PLXDC1: variants seen among roughly 807,000 people sequenced by gnomAD.
PLXDC1 encodes the protein plexin domain containing 1.
In PLXDC1, 39 loss-of-function variants were observed where a neutral mutation model predicts 61.3. The ratio of observed to expected loss-of-function variants is 0.64; its 90% CI spans 0.49 to 0.83. PLXDC1 has a LOEUF of 0.83. PLXDC1 is among the 40% of genes least tolerant of loss of function. The pLI is 0.00. For synonymous variants in PLXDC1, 212 were observed against 254.5 expected (o/e 0.83, Z 1.59); for missense variants, 596 against 666.5 (o/e 0.89, Z 1.17).
chr17:39,096,201 A>G (rs1248759313), intron 7 of PLXDC1, among the ~76,000 whole-genome samples: 1 of 152,226 alleles, frequency 6.6e-6, no homozygotes, highest in Non-Finnish European at 1.5e-5. Context: ...TCATTCAATA[A>G]TCACGAGTGG....
intron 3 of PLXDC1, 99 bp downstream of exon 3, chr17:39,109,149 A>T: frequency 6.8e-7 from 1 of 1,475,476 alleles, no homozygotes; most frequent in South Asian, 1.3e-5. Flanking sequence ...CTCCCAGGTC[A>T]CAGACCTCGG....
chr17:39,132,134 TC>T (rs1300847774), intron 2 of PLXDC1: 1 of 152,538 alleles, frequency 6.6e-6, no homozygotes, highest in East Asian at 1.9e-4. Context: ...ATCTAAATGT[TC>T]TTATGCTTGA....
chr17:39,074,671 A>G (rs1909257215), intron 11 of PLXDC1, among the ~76,000 whole-genome samples: 1 of 152,098 alleles, frequency 6.6e-6, no homozygotes, highest in African/African-American at 2.4e-5. Flanking sequence ...CCACGCCACC[A>G]CAGACCCCCT....
Position 39,151,371 on chromosome 17 carries a change from G to A in PLXDC1, c.67C>T (p.Pro23Ser). ...REAARALSPQ[P>S]GAGHDEGPGS... is the part of the protein sequence containing the mutation. The stretch of plus-strand genomic sequence containing the variant: ...CTCCCGCCAGTCCTACCTGCTCCGG[G>A]CTGGGGGCTCAGCGCCCGGGCAGCC... The change falls in exon 1 of 14, where the codon CCC (proline) becomes TCC (serine). Residue 23 changes from proline (P) to serine (S), a missense_variant. Pro to Ser is a moderately conservative substitution (Grantham distance 74). Coordinates refer to ENST00000315392, the MANE Select transcript of PLXDC1 (RefSeq NM_020405.5). The surrounding 1 kb of genome is among the most constrained non-coding windows in gnomAD (Gnocchi z 5.2). The A allele has an allele frequency of 1.5e-6, 2 of 1,290,782 alleles. No individual in the cohort carries two copies. Among genetic ancestry groups the A allele is most frequent in the South Asian group, 2.4e-5 (1 of 42,058 alleles). 80.0% of individuals were successfully genotyped at this position (1,290,782 alleles called of 1,614,324 possible).
At chr17:39,095,367 G>GGCCCCCCCC in intron 7 of PLXDC1, among the ~76,000 whole-genome samples, 2 of 7,614 alleles carry the variant, frequency 2.6e-4, no homozygotes, top group East Asian at 7.7e-3. Context: ...CTTACGCCCC[G>GGCCCCCCCC]CCCCCCCCCC....
chr17:39,100,896 AG>A (rs1910398919), intron 7 of PLXDC1, among the ~76,000 whole-genome samples: 1 of 152,202 alleles, frequency 6.6e-6, no homozygotes, highest in Non-Finnish European at 1.5e-5. Flanking sequence ...GGGAGGTACG[AG>A]GGGGCTCAAA....
At position 39,067,915 on chromosome 17, in the gene PLXDC1, A is replaced by G; in HGVS notation, c.1428T>C (p.Pro476=). The change falls in exon 14 of 14, where the codon CCT becomes CCC. Residue 476 remains proline, a synonymous_variant. Transcript: ENST00000315392. ...CCACCTCCGCATAGGTGGAATGGTC[A>G]GGGTGGCTGCGAAACTTCATGGCTG... ...HWPAMKFRSH[P]DHSTYAEVEP... 1 of 1,613,994 alleles carries G rather than the reference A, an allele frequency of 6.2e-7. No individual in the cohort carries two copies. The highest frequency in any genetic ancestry group is 1.1e-5 in the South Asian group (1 of 91,082).
At chr17:39,088,963 A>AAGAGAG (rs1555570852) in intron 7 of PLXDC1, among the ~76,000 whole-genome samples, 17 of 119,590 alleles carry the variant, frequency 1.4e-4, no homozygotes, top group African/African-American at 5.6e-4. Context: ...AAAAAAAAAA[A>AAGAGAG]AGAGAGAGAG....
intron 7 of PLXDC1, among the ~76,000 whole-genome samples, chr17:39,095,945 G>A (rs755890100): frequency 2.6e-5 from 4 of 152,172 alleles, no homozygotes; most frequent in Admixed American, 6.5e-5. Flanking sequence ...GATTACAGGC[G>A]TAGCCACCAT....
At chr17:39,072,267 C>G in intron 12 of PLXDC1, 183 bp downstream of exon 12, 1 of 625,282 alleles carries the variant, frequency 1.6e-6, no homozygotes, top group South Asian at 1.9e-5. Context: ...TTCCTTCGAT[C>G]TAGGGCACCT....
chr17:39,068,137 T>G (rs1472091202), intron 13 of PLXDC1, among the ~76,000 whole-genome samples, 178 bp from the exon 14 acceptor site: 2 of 152,234 alleles, frequency 1.3e-5, no homozygotes, highest in African/African-American at 4.8e-5. Flanking sequence ...TTCCGTGCTG[T>G]GATCCCCCAA....
intron 9 of PLXDC1, chr17:39,080,824 T>C (rs1909529955): frequency 6.6e-6 from 1 of 152,370 alleles, no homozygotes; most frequent in South Asian, 2.1e-4. Context: ...GGCCTTGCCC[T>C]TCCCCCAGCC....
chr17:39,100,105 G>A (rs1208166231), intron 7 of PLXDC1, among the ~76,000 whole-genome samples: 1 of 152,182 alleles, frequency 6.6e-6, no homozygotes, highest in Non-Finnish European at 1.5e-5. Flanking sequence ...AGCCAAAGAA[G>A]GCCTCCTTGG....
At chr17:39,136,076 C>A (rs1911744333) in intron 2 of PLXDC1, among the ~76,000 whole-genome samples, 1 of 152,200 alleles carries the variant, frequency 6.6e-6, no homozygotes, top group Non-Finnish European at 1.5e-5. Flanking sequence ...CCCAATAAAG[C>A]TGTGGGGTCA....
intron 6 of PLXDC1, 139 bp downstream of exon 6, chr17:39,107,268 G>A: frequency 1.7e-6 from 1 of 599,586 alleles, no homozygotes; most frequent in East Asian, 2.8e-5. Context: ...CTCCAAAAGG[G>A]TAGGACCCGC....
At chr17:39,104,160 C>T (rs183744559) in intron 7 of PLXDC1, among the ~76,000 whole-genome samples, 88 of 152,300 alleles carry the variant, frequency 5.8e-4, no homozygotes, top group African/African-American at 2.0e-3. Flanking sequence ...CCTGATGTGC[C>T]AGACATTAGG....
chr17:39,095,968 A>G (rs1414164595), intron 7 of PLXDC1, among the ~76,000 whole-genome samples: 2 of 152,122 alleles, frequency 1.3e-5, no homozygotes, highest in East Asian at 3.9e-4. Flanking sequence ...CTGGCCCCAA[A>G]CAAGTAATGT....
At chr17:39,108,664 A>G (rs1229396673) in intron 4 of PLXDC1, 6 of 565,204 alleles carry the variant, frequency 1.1e-5, no homozygotes, top group Middle Eastern at 4.8e-4. Context: ...GGCTGTCCAC[A>G]CTGACTCGTG....
In PLXDC1 at chr17:39,119,551, C is replaced by A. The variant is rs1264177251; in HGVS notation, c.256-10160G>T. 2.0e-5 allele frequency among the ~76,000 whole-genome samples: 3 copies of A among 152,076 alleles called. No individual in the cohort carries two copies. In the East Asian group the frequency reaches 5.8e-4, roughly 29 times the overall value. On this transcript the variant is annotated intron_variant, in intron 2 of 13. Coordinates refer to ENST00000315392, the MANE Select transcript of PLXDC1 (RefSeq NM_020405.5). ...CTTGAGCTCACGAGTTCGAGACCAG[C>A]CTGGGCAACATGTTGAAACCACCAT...
Sources: gnomAD v4.1 joint callset for allele counts (sites outside exome capture counted in the v4.1 genomes callset) on GRCh38, gnomAD v4.1.1 for gene constraint, Gnocchi (gnomAD v3.1) non-coding constraint, MANE v1.5 for transcripts, NCBI Gene and HGNC (gene_info 2026-07-23, HGNC 2026-07-21) for gene names.